The following LAMA2 variants were observed in gnomAD, a reference collection of about 807,000 sequenced individuals.
The protein encoded by LAMA2 is laminin subunit alpha 2, also known as laminin subunit alpha-2.
Under a neutral mutation model 364.8 loss-of-function variants are expected in LAMA2, and 269 were observed. The observed-to-expected ratio is 0.74, with a 90% CI of 0.67 to 0.82. LAMA2 has a LOEUF of 0.82. Among genes scored for constraint, LAMA2 ranks in the 40% least tolerant of loss-of-function variants. The pLI, the probability that LAMA2 is intolerant of heterozygous loss-of-function variation, is 0.00. For missense variants in LAMA2, 3,807 were observed against 3,873.2 expected, an observed-to-expected ratio of 0.98 and a Z score of 0.45; for synonymous variants, 1,379 against 1,370.6, an observed-to-expected ratio of 1.01 and a Z score of -0.14.
Position 128,917,815 on chromosome 6 carries a change from C to T in LAMA2, c.112+34458C>T, listed in dbSNP as rs375521376. On this transcript the variant is annotated intron_variant, in intron 1 of 64. Transcript: ENST00000421865. ...GTGGCAGGATCATGGCTTATTGTGC[C>T]CTTGACATCTCAGTTTCAAGTGATA... is the stretch of plus-strand genomic sequence containing the variant. Among the ~76,000 whole-genome samples, 45 of 144,328 alleles carry T rather than the reference C, an allele frequency of 3.1e-4. 1 individual carries two copies. The highest frequency in any genetic ancestry group is 7.4e-4 in the Admixed American group (10 of 13,586). 94.7% of individuals were successfully genotyped at this position (144,328 alleles called of 152,430 possible).
intron 1 of LAMA2, among the ~76,000 whole-genome samples, chr6:128,994,031 C>G (rs1783771331): frequency 6.6e-6 from 1 of 152,078 alleles, no homozygotes; most frequent in South Asian, 2.1e-4. Flanking sequence ...TGCCATGAAT[C>G]AGAGAATAGA....
At chr6:129,471,018 T>A (rs1783786022) in intron 51 of LAMA2, among the ~76,000 whole-genome samples, 1 of 151,840 alleles carries the variant, frequency 6.6e-6, no homozygotes, top group Non-Finnish European at 1.5e-5. Flanking sequence ...AACAAAAGAA[T>A]AATAGCCAAA....
intron 1 of LAMA2, among the ~76,000 whole-genome samples, chr6:128,984,178 T>C (rs1783071885): frequency 6.6e-6 from 1 of 152,192 alleles, no homozygotes. Context: ...CCATGCTCCA[T>C]AGATCATTTA....
chr6:129,417,557 A>T (rs1366100202), intron 40 of LAMA2, among the ~76,000 whole-genome samples: 1 of 152,102 alleles, frequency 6.6e-6, no homozygotes, highest in Non-Finnish European at 1.5e-5. Context: ...TCCTTCAGGC[A>T]GTCCCTGGCT....
chr6:129,009,515 G>T (rs998018956), intron 1 of LAMA2, among the ~76,000 whole-genome samples: 42 of 152,244 alleles, frequency 2.8e-4, no homozygotes, highest in African/African-American at 9.6e-4. Context: ...TTGAAAAAGT[G>T]TGGAGTCATT....
intron 42 of LAMA2, among the ~76,000 whole-genome samples, chr6:129,439,522 T>C (rs1781995588): frequency 6.6e-6 from 1 of 152,116 alleles, no homozygotes; most frequent in East Asian, 1.9e-4. Context: ...CACTGCATTC[T>C]CTCTTGATAA....
chr6:129,081,620 C>A (rs963967249), intron 3 of LAMA2, among the ~76,000 whole-genome samples: 6 of 152,252 alleles, frequency 3.9e-5, no homozygotes, highest in African/African-American at 1.4e-4. Flanking sequence ...GAAAGATTAT[C>A]ATTGGTCCAT....
chr6:129,452,133 T>C (rs1027407179), intron 45 of LAMA2, among the ~76,000 whole-genome samples: 2 of 152,210 alleles, frequency 1.3e-5, no homozygotes, highest in African/African-American at 4.8e-5. Flanking sequence ...AAGCAACTAT[T>C]TTGCTATCCT....
intron 34 of LAMA2, among the ~76,000 whole-genome samples, chr6:129,378,516 T>A (rs999416702): frequency 1.3e-5 from 2 of 152,250 alleles, no homozygotes; most frequent in Admixed American, 6.5e-5. Flanking sequence ...ACATGATTTT[T>A]AAAAATATAT....
chr6:129,321,239 TA>T (rs1774947102), intron 28 of LAMA2, among the ~76,000 whole-genome samples: 1 of 152,212 alleles, frequency 6.6e-6, no homozygotes, highest in Non-Finnish European at 1.5e-5. Flanking sequence ...TCAAATTTCT[TA>T]GGATCTAATT....
At position 129,134,068 on chromosome 6, in the gene LAMA2, C is replaced by G. The variant is rs140653602; in HGVS notation, c.640-9833C>G. Among the ~76,000 whole-genome samples, 94 of 152,318 alleles carry G rather than the reference C, an allele frequency of 6.2e-4. 1 individual carries two copies. The East Asian group carries it at 0.013, about 20-fold the overall frequency. On this transcript the variant is annotated intron_variant, in intron 4 of 64. Transcript: ENST00000421865. Reference sequence around the variant, plus strand: ...TTTATTTTAAACAAGTGTTCCCACACGGGGACTGAAAACAAAACAGGAAAA... The same window carrying G: ...TTTATTTTAAACAAGTGTTCCCACAGGGGGACTGAAAACAAAACAGGAAAA...
At chr6:129,321,074 A>G (rs555173904) in intron 28 of LAMA2, among the ~76,000 whole-genome samples, 1 of 152,336 alleles carries the variant, frequency 6.6e-6, no homozygotes, top group East Asian at 1.9e-4. Context: ...TCCCTTTAAC[A>G]TAAGCTTCTC....
At chr6:129,357,071 A>T (rs1777190367) in intron 32 of LAMA2, among the ~76,000 whole-genome samples, 1 of 152,102 alleles carries the variant, frequency 6.6e-6, no homozygotes, top group South Asian at 2.1e-4. Context: ...ATAAGTTAAT[A>T]CAAATCCATC....
chr6:129,505,255 A>G lies in LAMA2; in HGVS notation c.8603A>G (p.Asn2868Ser). ...EGILYVDGAS[N>S]RTISPKKADI... ...ATTCTTTATGTAGATGGGGCTTCCA[A>G]CAGAACCATCAGTCCCAAAAAAGCC... Residue 2868 changes from asparagine to serine, a missense_variant, in exon 61 of 65, where the codon AAC becomes AGC. Asn to Ser is a conservative substitution (Grantham distance 46). Coordinates refer to ENST00000421865, the MANE Select transcript of LAMA2 (RefSeq NM_000426.4). 1.2e-6 allele frequency: 2 copies of G among 1,613,676 alleles called. No homozygotes were observed. The highest frequency in any genetic ancestry group is 1.7e-6 in the Non-Finnish European group (2 of 1,179,592).
intron 37 of LAMA2, 119 bp from the exon 38 acceptor site, chr6:129,401,105 T>A: frequency 2.6e-6 from 2 of 781,264 alleles, no homozygotes; most frequent in South Asian, 2.8e-5. Flanking sequence ...TAGCCACATT[T>A]CAACATGATG....
chr6:129,202,051 G>T (rs1466321583), intron 12 of LAMA2, among the ~76,000 whole-genome samples: 2 of 151,878 alleles, frequency 1.3e-5, no homozygotes, highest in African/African-American at 4.8e-5. Context: ...AGCTGGGCAT[G>T]GTGGTGCACA....
At chr6:129,202,246 A>G (rs1211677724) in intron 12 of LAMA2, among the ~76,000 whole-genome samples, 1 of 151,936 alleles carries the variant, frequency 6.6e-6, no homozygotes, top group Non-Finnish European at 1.5e-5. Flanking sequence ...CAGAGGAACA[A>G]AGATAAGGAA....
At chr6:129,397,721 C>G (rs1008638721) in intron 37 of LAMA2, among the ~76,000 whole-genome samples, 5 of 151,686 alleles carry the variant, frequency 3.3e-5, no homozygotes, top group Admixed American at 2.6e-4. Context: ...CGAGACCATC[C>G]TGGCTAACAT....
chr6:129,470,962 C>CAA (rs1277651260), intron 51 of LAMA2, among the ~76,000 whole-genome samples: 1 of 151,744 alleles, frequency 6.6e-6, no homozygotes, highest in African/African-American at 2.4e-5. Flanking sequence ...AAGTAGGATG[C>CAA]AAAGTTGAGA....
Sources: allele counts gnomAD v4.1 joint callset (sites outside exome capture counted in the v4.1 genomes callset), GRCh38; gene constraint gnomAD v4.1.1; transcripts MANE v1.5; gene names NCBI Gene and HGNC (gene_info 2026-07-23, HGNC 2026-07-21).